OSBPL10: variants seen among roughly 807,000 people sequenced by gnomAD.
The protein encoded by OSBPL10 is oxysterol binding protein like 10.
A neutral mutation model predicts 81.7 loss-of-function variants in OSBPL10; 49 were observed. That is an observed-to-expected ratio of 0.60 (90% CI 0.48 to 0.76). OSBPL10 has a LOEUF of 0.76. Ranked by LOEUF, OSBPL10 falls within the 30% of genes least tolerant of loss-of-function variation. The pLI, the probability that OSBPL10 is intolerant of heterozygous loss-of-function variation, is 0.00. For synonymous variants in OSBPL10, 419 were observed against 383.6 expected (o/e 1.09, Z -1.08); for missense variants, 923 against 987.8 (o/e 0.93, Z 0.88).
chr3:31,890,466 A>C (rs1351142890), intron 1 of OSBPL10, among the ~76,000 whole-genome samples: 2 of 152,102 alleles, frequency 1.3e-5, no homozygotes, highest in Non-Finnish European at 2.9e-5. Flanking sequence ...GGCATTATGA[A>C]GGTGCTCACT....
intron 7 of OSBPL10, among the ~76,000 whole-genome samples, chr3:31,687,999 A>T (rs1249579045): frequency 6.6e-6 from 1 of 151,884 alleles, no homozygotes; most frequent in East Asian, 1.9e-4. Flanking sequence ...TTTTAGGGCC[A>T]TTTCACTCTT....
intron 3 of OSBPL10, among the ~76,000 whole-genome samples, chr3:31,863,030 G>A (rs935273407): frequency 1.3e-5 from 2 of 152,136 alleles, no homozygotes; most frequent in Non-Finnish European, 1.5e-5. Context: ...TGCATCAAGC[G>A]ATGAAGGGAT....
rs1471726923 is a variant in OSBPL10 at position 32,065,946 on chromosome 3, AG to A, written n.185+11449del. ...GAAAGAAAGAAGGAAAGAAGAAAGA[AG>A]AAAGAAAGAAAGAAAGAAAGAAAGA... On this transcript the variant is annotated intron_variant and non_coding_transcript_variant, in intron 1 of 3. Coordinates refer to the OSBPL10 transcript ENST00000479173. Among the ~76,000 whole-genome samples the A allele has an allele frequency of 1.1e-4, 2 of 18,002 alleles. 1 individual carries two copies. Among genetic ancestry groups the A allele is most frequent in the Non-Finnish European group, 2.3e-4 (2 of 8,562 alleles). 11.8% of individuals were successfully genotyped at this position (18,002 alleles called of 152,430 possible).
At chr3:32,056,385 G>A (rs1575093794) in intron 1 of OSBPL10, among the ~76,000 whole-genome samples, 1 of 152,188 alleles carries the variant, frequency 6.6e-6, no homozygotes, top group African/African-American at 2.4e-5. Context: ...TCCAACAATT[G>A]CCCAGTTCAT....
chr3:31,941,916 A>G (rs1025505046), intron 1 of OSBPL10, among the ~76,000 whole-genome samples: 2 of 152,128 alleles, frequency 1.3e-5, no homozygotes, highest in East Asian at 3.9e-4. Flanking sequence ...CCATTCCAGA[A>G]CTATTATCGG....
In OSBPL10 at chr3:32,070,551, C is replaced by G. The variant is rs375157853; in HGVS notation, n.185+6845G>C. Among the ~76,000 whole-genome samples, 51 of 152,272 alleles carry G rather than the reference C, an allele frequency of 3.3e-4. 2 individuals are homozygous for G. Among genetic ancestry groups the G allele is most frequent in the Admixed American group, 1.1e-3 (17 of 15,292 alleles). The stretch of plus-strand genomic sequence containing the variant: ...CAACTGATCACATGCCCATTACTAT[C>G]CCATTAAAACCTAATCACCCTTACC... On this transcript the variant is annotated intron_variant and non_coding_transcript_variant, in intron 1 of 3. Transcript: ENST00000479173.
chr3:31,881,933 A>C (rs553216718), intron 1 of OSBPL10, among the ~76,000 whole-genome samples: 2 of 152,202 alleles, frequency 1.3e-5, no homozygotes, highest in African/African-American at 4.8e-5. Flanking sequence ...TTCTGTGTCC[A>C]AAGTTCAGGC....
At chr3:31,694,232 G>A (rs1016044504) in intron 7 of OSBPL10, among the ~76,000 whole-genome samples, 4 of 151,936 alleles carry the variant, frequency 2.6e-5, no homozygotes, top group East Asian at 1.9e-4. Flanking sequence ...TTAGCCAGGC[G>A]TGATGGTGAG....
chr3:32,016,109 G>A (rs1246430577), intron 2 of OSBPL10, among the ~76,000 whole-genome samples: 1 of 152,110 alleles, frequency 6.6e-6, no homozygotes, highest in East Asian at 1.9e-4. Context: ...TATACCCAAA[G>A]GATTATAAAT....
chr3:31,695,394 C>A (rs1305220901), intron 7 of OSBPL10, among the ~76,000 whole-genome samples: 1 of 152,142 alleles, frequency 6.6e-6, no homozygotes, highest in Non-Finnish European at 1.5e-5. Context: ...GTCCCATTCA[C>A]CCCATCCAGT....
intron 1 of OSBPL10, among the ~76,000 whole-genome samples, chr3:31,892,196 G>A (rs993863412): frequency 2.0e-5 from 3 of 152,000 alleles, no homozygotes; most frequent in Non-Finnish European, 2.9e-5. Flanking sequence ...GAAGGAGCAC[G>A]TGTATGGCCC....
chr3:31,817,692 G>C (rs1353220425), intron 4 of OSBPL10, among the ~76,000 whole-genome samples: 1 of 152,188 alleles, frequency 6.6e-6, no homozygotes, highest in Non-Finnish European at 1.5e-5. Flanking sequence ...CTGCTTGATA[G>C]AGCAGGAGGC....
At chr3:31,687,877 G>A (rs369996352) in intron 7 of OSBPL10, among the ~76,000 whole-genome samples, 3 of 138,972 alleles carry the variant, frequency 2.2e-5, no homozygotes, top group Admixed American at 7.2e-5. Flanking sequence ...GCAACATAGT[G>A]AGAACCCATC....
chr3:31,857,863 A>G (rs1461952160), intron 3 of OSBPL10, among the ~76,000 whole-genome samples: 5 of 54,872 alleles, frequency 9.1e-5, no homozygotes, highest in African/African-American at 3.2e-4. Flanking sequence ...AGAAGGAGGG[A>G]GAGGGAGAGG....
intron 1 of OSBPL10, among the ~76,000 whole-genome samples, chr3:31,965,267 A>G (rs1008601062): frequency 4.0e-5 from 6 of 149,298 alleles, no homozygotes; most frequent in African/African-American, 7.4e-5. Context: ...CTACTCGGGA[A>G]GCTAAGGCAG....
intron 9 of OSBPL10, 111 bp downstream of exon 9, chr3:31,670,686 T>G: frequency 7.9e-7 from 1 of 1,259,762 alleles, no homozygotes; most frequent in Non-Finnish European, 1.1e-6. Flanking sequence ...CTTAACAAGT[T>G]TATCTTGATT....
At chr3:31,889,337 A>G (rs1029562956) in intron 1 of OSBPL10, among the ~76,000 whole-genome samples, 1 of 152,206 alleles carries the variant, frequency 6.6e-6, no homozygotes. Flanking sequence ...TATTGAAGAG[A>G]CATCTGCACC....
intron 4 of OSBPL10, among the ~76,000 whole-genome samples, chr3:31,812,440 T>A (rs1377219394): frequency 6.6e-6 from 1 of 152,172 alleles, no homozygotes; most frequent in Non-Finnish European, 1.5e-5. Context: ...ATTATCTCCA[T>A]CAATATATTC....
At chr3:31,663,954 C>G (rs1700123030) in intron 11 of OSBPL10, 125 bp downstream of exon 11, 3 of 1,605,274 alleles carry the variant, frequency 1.9e-6, no homozygotes, top group Middle Eastern at 1.9e-4. Context: ...ACCGAGCTGC[C>G]CTAGTCCATC....
Sources: allele counts gnomAD v4.1 joint callset (sites outside exome capture counted in the v4.1 genomes callset), GRCh38; gene constraint gnomAD v4.1.1; transcripts MANE v1.5; gene names NCBI Gene and HGNC (gene_info 2026-07-23, HGNC 2026-07-21).